Variants in SPECC1 observed in about 807,000 individuals in gnomAD.
The protein encoded by SPECC1 is sperm antigen with calponin homology and coiled-coil domains 1, also known as cytospin-B.
In SPECC1, 62 loss-of-function variants were observed where a neutral mutation model predicts 104.1. The ratio of observed to expected loss-of-function variants is 0.60; its 90% CI spans 0.49 to 0.74. The LOEUF (loss-of-function observed/expected upper bound fraction) is 0.74. Among genes scored for constraint, SPECC1 ranks in the 30% least tolerant of loss-of-function variants. The pLI is 0.00. For synonymous variants in SPECC1, 513 were observed against 501.6 expected (o/e 1.02, Z -0.30); for missense variants, 1,306 against 1,310.5 (o/e 1.00, Z 0.05).
intron 13 of SPECC1, among the ~76,000 whole-genome samples, chr17:20,303,061 A>G (rs965732014): frequency 2.0e-5 from 3 of 152,278 alleles, no homozygotes; most frequent in African/African-American, 7.2e-5. Context: ...GAGACAGTAC[A>G]GGAAAATAGC....
chr17:20,248,261 G>A (rs1416851572), intron 9 of SPECC1, among the ~76,000 whole-genome samples: 1 of 152,164 alleles, frequency 6.6e-6, no homozygotes, highest in Non-Finnish European at 1.5e-5. Context: ...CTGAGAAGGG[G>A]CCTGTTTGAC....
At chr17:20,272,574 A>G (rs2151638211) in intron 12 of SPECC1, among the ~76,000 whole-genome samples, 1 of 152,256 alleles carries the variant, frequency 6.6e-6, no homozygotes, top group Admixed American at 6.5e-5. Context: ...CAGCCATTCT[A>G]CTTTGTATCA....
intron 3 of SPECC1, chr17:20,112,482 A>C: frequency 1.3e-6 from 1 of 765,630 alleles, no homozygotes. Flanking sequence ...CTGCGATGCC[A>C]AGGTTTGAAC....
At chr17:20,100,339 A>G (rs2047886096) in intron 2 of SPECC1, among the ~76,000 whole-genome samples, 2 of 152,176 alleles carry the variant, frequency 1.3e-5, no homozygotes, top group Admixed American at 1.3e-4. Context: ...GAAAAATACT[A>G]AAAAGGAAGT....
chr17:20,139,744 G>T (rs898308626), intron 3 of SPECC1, among the ~76,000 whole-genome samples: 1 of 151,894 alleles, frequency 6.6e-6, no homozygotes, highest in African/African-American at 2.4e-5. Context: ...GCGCAATCTC[G>T]GCTCACTGCA....
At chr17:20,076,991 T>C (rs2046785780) in intron 1 of SPECC1, among the ~76,000 whole-genome samples, 1 of 152,244 alleles carries the variant, frequency 6.6e-6, no homozygotes, top group Non-Finnish European at 1.5e-5. Flanking sequence ...TCTCTTTTGA[T>C]CATTTTATGG....
intron 1 of SPECC1, among the ~76,000 whole-genome samples, chr17:20,026,702 T>G (rs1016237334): frequency 2.6e-5 from 4 of 152,208 alleles, no homozygotes; most frequent in African/African-American, 7.2e-5. Flanking sequence ...ACATTTAGAT[T>G]TATTCCCTGT....
chr17:20,046,868 G>T (rs551585317), intron 1 of SPECC1, among the ~76,000 whole-genome samples: 1 of 139,678 alleles, frequency 7.2e-6, no homozygotes, highest in South Asian at 2.6e-4. Context: ...AGGGCACGTG[G>T]GGTGGGGGGT....
chr17:20,048,372 A>T (rs545459878), intron 1 of SPECC1, among the ~76,000 whole-genome samples: 1 of 151,934 alleles, frequency 6.6e-6, no homozygotes, highest in Admixed American at 6.5e-5. Context: ...TGACCTCGTG[A>T]TCTGTCCGCC....
At chr17:20,043,439 G>A (rs916225305) in intron 1 of SPECC1, among the ~76,000 whole-genome samples, 15 of 152,162 alleles carry the variant, frequency 9.9e-5, no homozygotes, top group African/African-American at 3.6e-4. Context: ...ACATTTATTA[G>A]CTGGTATTCT....
intron 3 of SPECC1, among the ~76,000 whole-genome samples, chr17:20,143,678 A>C (rs1227102636): frequency 3.9e-5 from 6 of 152,142 alleles, no homozygotes; most frequent in African/African-American, 9.7e-5. Context: ...CAAAAAAAAA[A>C]CAAAAAAACA....
intron 1 of SPECC1, among the ~76,000 whole-genome samples, chr17:20,091,581 G>A (rs2047402989): frequency 6.6e-6 from 1 of 152,150 alleles, no homozygotes; most frequent in Non-Finnish European, 1.5e-5. Flanking sequence ...TGCCCATTGG[G>A]CTTAGAACTA....
At chr17:20,280,091 G>T (rs1186274185) in intron 12 of SPECC1, among the ~76,000 whole-genome samples, 1 of 152,210 alleles carries the variant, frequency 6.6e-6, no homozygotes, top group Admixed American at 6.5e-5. Context: ...GTGCAGAGAG[G>T]TGCATGGGAG....
At chr17:20,043,570 C>T (rs926343694) in intron 1 of SPECC1, among the ~76,000 whole-genome samples, 5 of 152,040 alleles carry the variant, frequency 3.3e-5, no homozygotes, top group African/African-American at 9.7e-5. Flanking sequence ...TTGTTCCACG[C>T]GGGGCAAAGT....
chr17:20,111,957 G>C, intron 3 of SPECC1: 1 of 791,822 alleles, frequency 1.3e-6, no homozygotes, highest in Non-Finnish European at 2.3e-6. Flanking sequence ...GTGTATAATG[G>C]CAAAGGTGGA....
At chr17:20,124,821 G>T (rs1955389322) in intron 3 of SPECC1, among the ~76,000 whole-genome samples, 1 of 152,126 alleles carries the variant, frequency 6.6e-6, no homozygotes, top group South Asian at 2.1e-4. Flanking sequence ...ATAATAAAGT[G>T]TTGAATATCT....
intron 1 of SPECC1, among the ~76,000 whole-genome samples, chr17:20,024,249 G>GT (rs2044512029): frequency 6.6e-6 from 1 of 152,226 alleles, no homozygotes; most frequent in Non-Finnish European, 1.5e-5. Context: ...CCTTCAGGTT[G>GT]TACAGCGTGG....
intron 12 of SPECC1, among the ~76,000 whole-genome samples, chr17:20,289,544 C>T (rs1458531128): frequency 6.6e-6 from 1 of 152,214 alleles, no homozygotes; most frequent in Admixed American, 6.5e-5. Context: ...CTCAAGTGAT[C>T]CATCCGCCTA....
At chr17:20,278,471 T>G (rs2040647848) in intron 12 of SPECC1, among the ~76,000 whole-genome samples, 1 of 152,164 alleles carries the variant, frequency 6.6e-6, no homozygotes. Flanking sequence ...ACATCCTCCC[T>G]CTTCTGACCT....
Sources: allele counts gnomAD v4.1 joint callset (sites outside exome capture counted in the v4.1 genomes callset), GRCh38; gene constraint gnomAD v4.1.1; transcripts MANE v1.5; gene names NCBI Gene and HGNC (gene_info 2026-07-23, HGNC 2026-07-21).